The following BLTP1 variants were observed in gnomAD, a reference collection of about 807,000 sequenced individuals.
BLTP1 encodes the protein fragile site-associated protein.
chr4:122,292,269 A>T, the BLTP1 span: 1 of 857,028 alleles, frequency 1.2e-6, no homozygotes, highest in Non-Finnish European at 1.4e-6. Flanking sequence ...TGCCCAGCCC[A>T]TCAAACAGTT....
At chr4:122,223,581 C>T in the BLTP1 span, among the ~76,000 whole-genome samples, 1 of 152,064 alleles carries the variant, frequency 6.6e-6, no homozygotes, top group Non-Finnish European at 1.5e-5. Flanking sequence ...GTGTAAAAAG[C>T]GCCACAAGGT....
the BLTP1 span, chr4:122,193,760 A>T: frequency 2.1e-6 from 1 of 484,596 alleles, no homozygotes; most frequent in Non-Finnish European, 2.7e-6. Context: ...TTGATAGATT[A>T]GTGAAAGAGT....
chr4:122,349,140 C>CT, the BLTP1 span: 4 of 1,593,778 alleles, frequency 2.5e-6, no homozygotes, highest in East Asian at 2.2e-5. The surrounding 1 kb of genome is among the most constrained non-coding windows in gnomAD (Gnocchi z 4.5). Flanking sequence ...ATATAATAAC[C>CT]TTTTTTTCAT....
the BLTP1 span, among the ~76,000 whole-genome samples, chr4:122,357,164 T>TTTTC: frequency 6.6e-6 from 1 of 152,168 alleles, no homozygotes; most frequent in African/African-American, 2.4e-5. Context: ...GCAGAAAACA[T>TTTTC]TTTCTTTTTA....
chr4:122,192,537 TTC>T, the BLTP1 span: 4 of 192,142 alleles, frequency 2.1e-5, no homozygotes, highest in Admixed American at 6.5e-5. Flanking sequence ...TGCTTGTGGC[TTC>T]TCCACAAGCA....
chr4:122,291,410 C>T, the BLTP1 span, among the ~76,000 whole-genome samples: 2 of 152,200 alleles, frequency 1.3e-5, no homozygotes, highest in African/African-American at 2.4e-5. Flanking sequence ...ACTCTGATCT[C>T]TGTATTGCTT....
At chr4:122,291,709 G>A in the BLTP1 span, 1 of 976,568 alleles carries the variant, frequency 1.0e-6, no homozygotes, top group African/African-American at 1.8e-5. Context: ...AGCATATAAG[G>A]AGGTTACCAT....
the BLTP1 span, chr4:122,208,648 C>G: frequency 1.0e-6 from 1 of 984,042 alleles, no homozygotes; most frequent in Non-Finnish European, 1.2e-6. Flanking sequence ...TGTTTGGAAA[C>G]TATGCTGTTT....
the BLTP1 span, chr4:122,236,881 C>T: frequency 5.2e-6 from 5 of 963,720 alleles, no homozygotes; most frequent in South Asian, 1.9e-4. Context: ...GAAATAACCC[C>T]TACATACGTA....
chr4:122,228,777 C>A, the BLTP1 span, among the ~76,000 whole-genome samples: 2 of 152,130 alleles, frequency 1.3e-5, no homozygotes, highest in African/African-American at 4.8e-5. Flanking sequence ...TAAACTCATA[C>A]AATTCTTGTA....
At chr4:122,199,571 A>C in the BLTP1 span, 1 of 814,466 alleles carries the variant, frequency 1.2e-6, no homozygotes, top group African/African-American at 1.7e-5. Flanking sequence ...GTTCAAGAAC[A>C]GCTAGGGAAG....
the BLTP1 span, chr4:122,254,465 A>G: frequency 7.7e-7 from 1 of 1,299,186 alleles, no homozygotes; most frequent in East Asian, 2.5e-5. Context: ...TAAGGTTGCA[A>G]CTTTTTCATC....
chr4:122,266,043 G>A, the BLTP1 span, among the ~76,000 whole-genome samples: 6 of 152,296 alleles, frequency 3.9e-5, no homozygotes, highest in South Asian at 1.2e-3. Flanking sequence ...GGTAGAATGT[G>A]TAGTGAAAGA....
the BLTP1 span, chr4:122,344,204 CT>C: frequency 4.6e-6 from 2 of 433,222 alleles, no homozygotes. Flanking sequence ...GTTTGAACCT[CT>C]TAAATTGTTG....
chr4:122,230,338 C>T, the BLTP1 span: 3 of 746,484 alleles, frequency 4.0e-6, no homozygotes, highest in East Asian at 2.6e-5. Context: ...CATGATTGTG[C>T]TGCTGCACCT....
At chr4:122,324,588 A>G in the BLTP1 span, 1 of 1,405,460 alleles carries the variant, frequency 7.1e-7, no homozygotes, top group South Asian at 1.4e-5. Flanking sequence ...TGACTCTTTT[A>G]CCAAGGTCAA....
At chr4:122,349,784 G>A in the BLTP1 span, 17 of 1,570,102 alleles carry the variant, frequency 1.1e-5, no homozygotes, top group African/African-American at 1.1e-4. This position sits in a 1 kb window ranked among gnomAD's most constrained non-coding sequence, Gnocchi z 4.5. Flanking sequence ...CTGGGCGGGG[G>A]AAGAAAATGT....
chr4:122,215,349 A>G, the BLTP1 span: 1 of 971,152 alleles, frequency 1.0e-6, no homozygotes, highest in East Asian at 1.1e-4. Context: ...AACAGACTAC[A>G]AGGGAATTTT....
At chr4:122,248,703 T>TTCTAAA in the BLTP1 span, among the ~76,000 whole-genome samples, 1 of 152,046 alleles carries the variant, frequency 6.6e-6, no homozygotes, top group Admixed American at 6.6e-5. Flanking sequence ...GACATTTCCA[T>TTCTAAA]AGCATAGAAT....
Sources: gnomAD v4.1 joint callset for allele counts (sites outside exome capture counted in the v4.1 genomes callset) on GRCh38, gnomAD v4.1.1 for gene constraint, Gnocchi (gnomAD v3.1) non-coding constraint, MANE v1.5 for transcripts, NCBI Gene and HGNC (gene_info 2026-07-23, HGNC 2026-07-21) for gene names.